The following PDE3B variants were observed in gnomAD, a reference collection of about 807,000 sequenced individuals.
PDE3B encodes cGMP-inhibited 3',5'-cyclic phosphodiesterase 3B.
A neutral mutation model predicts 116.8 loss-of-function variants in PDE3B; 66 were observed. That is an observed-to-expected ratio of 0.56 (90% CI 0.46 to 0.69). The LOEUF is 0.69. Among genes scored for constraint, PDE3B ranks in the 30% least tolerant of loss-of-function variants. PDE3B has a pLI of 0.00. For missense variants in PDE3B, 1,384 were observed against 1,368.1 expected (o/e 1.01, Z -0.18); for synonymous variants, 595 against 533.6 (o/e 1.12, Z -1.59).
At chr11:14,806,858 C>CA (rs953411145) in intron 5 of PDE3B, among the ~76,000 whole-genome samples, 1,241 of 45,168 alleles carry the variant, frequency 0.027, 28 homozygotes, top group South Asian at 0.066. Context: ...GACTCCGTCT[C>CA]AAAAAAAAAA....
chr11:14,823,590 G>A (rs1018073306), intron 7 of PDE3B, among the ~76,000 whole-genome samples: 2 of 151,858 alleles, frequency 1.3e-5, no homozygotes, highest in Non-Finnish European at 2.9e-5. Context: ...TCCCAACTAG[G>A]GTGTCCAGCC....
chr11:14,837,776 TG>T (rs1860099268), intron 11 of PDE3B, among the ~76,000 whole-genome samples: 1 of 152,158 alleles, frequency 6.6e-6, no homozygotes. Context: ...CAAGTAGCTT[TG>T]GGAAACCAAA....
chr11:14,746,848 G>A (rs1856922830), intron 1 of PDE3B, among the ~76,000 whole-genome samples: 1 of 152,224 alleles, frequency 6.6e-6, no homozygotes, highest in African/African-American at 2.4e-5. Flanking sequence ...TCTTAATTAT[G>A]TAGAATTTCA....
chr11:14,894,564 C>T, the PDE3B span, among the ~76,000 whole-genome samples: 4 of 152,200 alleles, frequency 2.6e-5, no homozygotes, highest in Non-Finnish European at 5.9e-5. Flanking sequence ...AGCATTCCTT[C>T]TTTGGCATTC....
chr11:14,873,139 C>G (rs1469931444), downstream of PDE3B, among the ~76,000 whole-genome samples: 1 of 152,180 alleles, frequency 6.6e-6, no homozygotes, highest in African/African-American at 2.4e-5. Context: ...GAAGTCCCCT[C>G]TGCTTTAAAC....
At chr11:14,740,637 C>G (rs933965270) in intron 1 of PDE3B, among the ~76,000 whole-genome samples, 4 of 152,158 alleles carry the variant, frequency 2.6e-5, no homozygotes, top group African/African-American at 9.7e-5. Context: ...TTCTGGTCTT[C>G]TGCTAGCATT....
chr11:14,682,815 G>A (rs1473098630), intron 1 of PDE3B, among the ~76,000 whole-genome samples: 5 of 151,272 alleles, frequency 3.3e-5, no homozygotes, highest in Non-Finnish European at 7.4e-5. Context: ...TTTTGGTATT[G>A]GGGTAATGGT....
At chr11:14,780,935 G>T (rs539505257) in intron 2 of PDE3B, among the ~76,000 whole-genome samples, 3,109 of 151,930 alleles carry the variant, frequency 0.02, 51 homozygotes, top group Middle Eastern at 0.065. Context: ...TAATAAAGAA[G>T]AAAAGAGAAG....
chr11:14,792,952 T>C (rs1858437034), intron 4 of PDE3B, among the ~76,000 whole-genome samples: 1 of 152,202 alleles, frequency 6.6e-6, no homozygotes, highest in South Asian at 2.1e-4. Flanking sequence ...CATTTGACTT[T>C]ATGTCAGCCA....
At chr11:14,685,838 A>G (rs1590061222) in intron 1 of PDE3B, among the ~76,000 whole-genome samples, 1 of 152,178 alleles carries the variant, frequency 6.6e-6, no homozygotes, top group Admixed American at 6.6e-5. Context: ...AAACTCAAGT[A>G]GGTTTTGGTT....
chr11:14,685,836 G>A (rs746926528), intron 1 of PDE3B, among the ~76,000 whole-genome samples: 1 of 152,140 alleles, frequency 6.6e-6, no homozygotes, highest in Non-Finnish European at 1.5e-5. Flanking sequence ...GAAAACTCAA[G>A]TAGGTTTTGG....
At chr11:14,679,975 A>C (rs1854651105) in intron 1 of PDE3B, among the ~76,000 whole-genome samples, 1 of 152,086 alleles carries the variant, frequency 6.6e-6, no homozygotes, top group African/African-American at 2.4e-5. Flanking sequence ...GGCCTTATCA[A>C]ATTTTAAGGA....
At chr11:14,873,193 T>C (rs1278888003), downstream of PDE3B, among the ~76,000 whole-genome samples, 2 of 152,190 alleles carry the variant, frequency 1.3e-5, no homozygotes, top group African/African-American at 4.8e-5. Context: ...TGATAACCAA[T>C]CAGTTTTTAT....
chr11:14,835,117 T>G, intron 11 of PDE3B, 22 bp downstream of exon 11: 29 of 1,394,360 alleles, frequency 2.1e-5, no homozygotes, highest in Non-Finnish European at 2.9e-5. Flanking sequence ...TACAAATCTC[T>G]TAATTATTTT....
chr11:14,680,929 A>G (rs1002220191), intron 1 of PDE3B, among the ~76,000 whole-genome samples: 2 of 152,016 alleles, frequency 1.3e-5, no homozygotes, highest in Admixed American at 1.3e-4. Context: ...TTTTTGTTTG[A>G]TTTACATGTA....
At chr11:14,737,571 C>G (rs1404890202) in intron 1 of PDE3B, among the ~76,000 whole-genome samples, 2 of 152,024 alleles carry the variant, frequency 1.3e-5, no homozygotes, top group Non-Finnish European at 2.9e-5. Flanking sequence ...TGTAGCAGCT[C>G]TTCTTTAAAA....
At chr11:14,668,228 A>C (rs576509255) in intron 1 of PDE3B, among the ~76,000 whole-genome samples, 1 of 152,260 alleles carries the variant, frequency 6.6e-6, no homozygotes, top group East Asian at 1.9e-4. Flanking sequence ...ACTTAAGCTC[A>C]ATATTTAATT....
At chr11:14,887,512 A>G in the PDE3B span, 29 of 812,970 alleles carry the variant, frequency 3.6e-5, no homozygotes, top group Non-Finnish European at 4.3e-5. Context: ...TGATCTATGG[A>G]AGGGTACAAG....
chr11:14,853,114 G>A (rs1284265452), intron 12 of PDE3B, among the ~76,000 whole-genome samples: 2 of 150,244 alleles, frequency 1.3e-5, no homozygotes, highest in African/African-American at 4.9e-5. Flanking sequence ...TGTTCTCCCT[G>A]CCCAGAGGGC....
Sources: allele counts gnomAD v4.1 joint callset (sites outside exome capture counted in the v4.1 genomes callset), GRCh38; gene constraint gnomAD v4.1.1; transcripts MANE v1.5; gene names NCBI Gene and HGNC (gene_info 2026-07-23, HGNC 2026-07-21).